Variants in SREBF2 observed in about 807,000 individuals in gnomAD.
The protein encoded by SREBF2 is sterol regulatory element-binding protein 2.
A neutral mutation model predicts 113.1 loss-of-function variants in SREBF2; 55 were observed. The observed-to-expected ratio is 0.49, with a 90% confidence interval of 0.39 to 0.61. The LOEUF (loss-of-function observed/expected upper bound fraction) is 0.61. Among genes scored for constraint, SREBF2 ranks in the 20% least tolerant of loss-of-function variants. SREBF2 has a pLI of 0.00. For missense variants in SREBF2, 1,349 were observed against 1,487.4 expected (o/e 0.91, Z 1.53); for synonymous variants, 593 against 605.7 (o/e 0.98, Z 0.31).
intron 1 of SREBF2, among the ~76,000 whole-genome samples, chr22:41,859,310 G>C (rs2148365277): frequency 6.6e-6 from 1 of 152,256 alleles, no homozygotes; most frequent in South Asian, 2.1e-4. Context: ...GGTGGAAGGA[G>C]GGCTGTCTGA....
In SREBF2 at chr22:41,833,339, G is replaced by C; in HGVS notation, c.69G>C (p.Leu23=). The change falls in exon 1 of 19, where the codon CTG becomes CTC. Residue 23 remains leucine (L), a synonymous_variant. Transcript: ENST00000361204. This position sits in a 1 kb window ranked among gnomAD's most constrained non-coding sequence, Gnocchi z 4.1. ...CCCTCACGGAGCTGGGCGACGAGCTGACCCTGGGAGACATCGACGGTGAGT... is the reference window on the plus strand; with the variant it reads ...CCCTCACGGAGCTGGGCGACGAGCTCACCCTGGGAGACATCGACGGTGAGT... ...METLTELGDE[L]TLGDIDEMLQ... The C allele has an allele frequency of 1.3e-6, 1 of 777,352 alleles. No homozygotes were observed. The highest frequency in any genetic ancestry group is 1.9e-6 in the Non-Finnish European group (1 of 524,904). The allele number at this position is 777,352 out of a possible 1,614,324, so 48.2% of individuals were successfully genotyped here.
intron 9 of SREBF2, chr22:41,878,851 G>A (rs1342259899): frequency 1.9e-5 from 15 of 774,488 alleles, no homozygotes; most frequent in South Asian, 8.8e-5. Context: ...GCCTTGCTGG[G>A]GCTATGGGTC....
chr22:41,846,430 C>T (rs2076877390), intron 1 of SREBF2, among the ~76,000 whole-genome samples: 1 of 152,140 alleles, frequency 6.6e-6, no homozygotes, highest in Admixed American at 6.6e-5. Flanking sequence ...AGGAAACCTT[C>T]CCTCACATGA....
At chr22:41,893,375 G>A (rs1050780280) in intron 12 of SREBF2, 90 bp downstream of exon 12, 9 of 1,390,562 alleles carry the variant, frequency 6.5e-6, no homozygotes, top group African/African-American at 1.4e-5. Context: ...GCGGAGACAC[G>A]GGTTGTCTCT....
At chr22:41,864,616 G>A (rs902197538) in intron 1 of SREBF2, among the ~76,000 whole-genome samples, 11 of 151,636 alleles carry the variant, frequency 7.3e-5, no homozygotes, top group South Asian at 2.1e-4. Flanking sequence ...CACCGCGCCC[G>A]GCCCAAAAAA....
intron 1 of SREBF2, 69 bp from the exon 2 acceptor site, chr22:41,866,762 T>C (rs1983966402): frequency 6.3e-7 from 1 of 1,576,240 alleles, no homozygotes; most frequent in Non-Finnish European, 8.7e-7. Context: ...CATGCCTTAG[T>C]TTCTTAAGCA....
Position 41,877,277 on chromosome 22 carries a change from C to G in SREBF2, c.1435C>G (p.Arg479Gly). 2 of 1,614,176 alleles carry G rather than the reference C, an allele frequency of 1.2e-6. No homozygotes were observed. Among genetic ancestry groups the G allele is most frequent in the Non-Finnish European group, 1.7e-6 (2 of 1,180,032 alleles). Residue 479 changes from arginine (R) to glycine (G), a missense_variant, in exon 8 of 19, where the codon CGC becomes GGC. By Grantham distance (125) the Arg-to-Gly change is moderately radical. Around this residue, in one of 2 missense-constraint regions of SREBF2, gnomAD observed 699 missense variants for 843.3 expected, o/e 0.83. Transcript: ENST00000361204. ...TCCTGTGGCGCTGGGCATGGTAGAC[C>G]GCTCACGGATTCTTCTGTGTGTCCT... is the stretch of plus-strand genomic sequence containing the variant. ...SPPVALGMVD[R>G]SRILLCVLTF... is the part of the protein sequence containing the mutation.
At chr22:41,837,364 C>G (rs1185917172) in intron 1 of SREBF2, among the ~76,000 whole-genome samples, 5 of 151,550 alleles carry the variant, frequency 3.3e-5, no homozygotes, top group Admixed American at 6.6e-5. Flanking sequence ...TCAAGACCAG[C>G]CTAGCCAATA....
chr22:41,902,887 G>A, intron 16 of SREBF2, 83 bp from the exon 17 acceptor site: 4 of 1,437,714 alleles, frequency 2.8e-6, no homozygotes, highest in African/African-American at 1.4e-5. Context: ...GTTGGTCTGG[G>A]GAGAGGCCTG....
chr22:41,901,266 G>A (rs1171333584), intron 16 of SREBF2, among the ~76,000 whole-genome samples: 2 of 152,192 alleles, frequency 1.3e-5, no homozygotes, highest in East Asian at 3.9e-4. Context: ...GTCTTAGCTG[G>A]CTAGGCTAGT....
chr22:41,867,757 A>T (rs1280355172), intron 2 of SREBF2, among the ~76,000 whole-genome samples: 3 of 152,020 alleles, frequency 2.0e-5, no homozygotes, highest in Admixed American at 2.0e-4. Context: ...CAGTGAGCAG[A>T]GATCGTGCCA....
In SREBF2 at chr22:41,904,800, T is replaced by C; in HGVS notation, c.3094-63T>C. On this transcript the variant is annotated intron_variant, in intron 17 of 18. Transcript: ENST00000361204. ...GCAGGCGAGATGGCTCAGGGAGAGC[T>C]ACCCTGGGCATAGATGGGTGGGGAC... 8 of 1,312,392 alleles carry C rather than the reference T, an allele frequency of 6.1e-6. 1 individual carries two copies. In the South Asian group the frequency reaches 6.3e-5, roughly 10 times the overall value. 81.3% of individuals were successfully genotyped at this position (1,312,392 alleles called of 1,614,324 possible).
At chr22:41,904,791 A>G (rs2077491875) in intron 17 of SREBF2, 72 bp from the exon 18 acceptor site, 1 of 1,257,024 alleles carries the variant, frequency 8.0e-7, no homozygotes, top group Admixed American at 2.0e-5. Context: ...GAGATGGCTC[A>G]GGGAGAGCTA....
In SREBF2 at chr22:41,904,842, G is replaced by A. The variant is rs772179369; in HGVS notation, c.3094-21G>A. The stretch of plus-strand genomic sequence containing the variant: ...GGTGGGGACCAGGGGTGTGATGGAT[G>A]TCACCCCGGCACCTCCCCAGGTGTT... On this transcript the variant is annotated intron_variant, in intron 17 of 18. Coordinates refer to ENST00000361204, the MANE Select transcript of SREBF2 (RefSeq NM_004599.4). 3.2e-6 allele frequency: 5 copies of A among 1,558,876 alleles called. No homozygotes were observed. The African/African-American group carries it at 4.1e-5, about 13-fold the overall frequency.
At chr22:41,855,547 T>C (rs1019433484) in intron 1 of SREBF2, among the ~76,000 whole-genome samples, 2 of 152,108 alleles carry the variant, frequency 1.3e-5, no homozygotes, top group African/African-American at 4.8e-5. Context: ...CTAGTTAATG[T>C]CCTACAGTGC....
chr22:41,856,251 C>T (rs899224458), intron 1 of SREBF2, among the ~76,000 whole-genome samples: 6 of 152,086 alleles, frequency 3.9e-5, no homozygotes, highest in African/African-American at 1.4e-4. Context: ...CTCAGCCTGC[C>T]GAGTAGCTGG....
chr22:41,843,036 G>A (rs2076843880), intron 1 of SREBF2, among the ~76,000 whole-genome samples: 1 of 152,030 alleles, frequency 6.6e-6, no homozygotes, highest in South Asian at 2.1e-4. Flanking sequence ...ATACCATCTA[G>A]GTGTGTGTAA....
intron 1 of SREBF2, among the ~76,000 whole-genome samples, chr22:41,862,543 C>T (rs1200450760): frequency 6.6e-6 from 1 of 152,134 alleles, no homozygotes; most frequent in Non-Finnish European, 1.5e-5. Flanking sequence ...TCGCCTTCTC[C>T]CGGGCCTCCC....
intron 1 of SREBF2, among the ~76,000 whole-genome samples, chr22:41,843,992 G>A (rs1342193671): frequency 2.1e-5 from 3 of 144,088 alleles, no homozygotes; most frequent in East Asian, 2.0e-4. Flanking sequence ...CTTCAGCCTC[G>A]TCAACAGAGC....
Sources: gnomAD v4.1 joint callset for allele counts (sites outside exome capture counted in the v4.1 genomes callset) on GRCh38, gnomAD v4.1.1 for gene constraint, gnomAD v4.1.1 regional missense constraint, Gnocchi (gnomAD v3.1) non-coding constraint, MANE v1.5 for transcripts, NCBI Gene and HGNC (gene_info 2026-07-23, HGNC 2026-07-21) for gene names.